Variants in MLXIPL observed in about 807,000 individuals in gnomAD.
The protein encoded by MLXIPL is carbohydrate-responsive element-binding protein.
A neutral mutation model predicts 81.5 loss-of-function variants in MLXIPL; 49 were observed. The ratio of observed to expected loss-of-function variants is 0.60; its 90% confidence interval spans 0.48 to 0.76. The LOEUF (loss-of-function observed/expected upper bound fraction) is 0.76, where lower values mean the gene tolerates loss of function less well. Ranked by LOEUF, MLXIPL falls within the 30% of genes least tolerant of loss-of-function variation. MLXIPL has a pLI of 0.00. For synonymous variants in MLXIPL, 466 were observed against 485.5 expected, an observed-to-expected ratio of 0.96 and a Z score of 0.53; for missense variants, 1,053 against 1,167.0, an observed-to-expected ratio of 0.90 and a Z score of 1.42.
rs1226305961 is a variant in MLXIPL at position 73,597,345 on chromosome 7, C to G, written c.1440G>C (p.Ser480=). The G allele has an allele frequency of 6.6e-7, 1 of 1,504,046 alleles. No homozygotes were observed. Among genetic ancestry groups the G allele is most frequent in the Non-Finnish European group, 8.9e-7 (1 of 1,127,986 alleles). 93.2% of individuals were successfully genotyped at this position (1,504,046 alleles called of 1,614,324 possible). Residue 480 remains serine (S), a synonymous_variant, in exon 9 of 17, where the codon TCG becomes TCC. Coordinates refer to ENST00000313375, the MANE Select transcript of MLXIPL (RefSeq NM_032951.3). ...FPIELLPLGY[S]EPAFGPCFSM... is the part of the protein sequence containing the mutation. ...AGAAGCAAGGCCCAAAGGCAGGCTC[C>G]GAATACCCCAAGGGTAGAAGCTCTA...
chr7:73,604,068 T>G (rs1795093518), intron 7 of MLXIPL, among the ~76,000 whole-genome samples: 1 of 151,360 alleles, frequency 6.6e-6, no homozygotes, highest in Non-Finnish European at 1.5e-5. Context: ...ATACAAAAAG[T>G]AGCTGGGTGT....
At chr7:73,594,048 G>A (rs1794064472) in intron 16 of MLXIPL, 65 bp from the exon 17 acceptor site, 1 of 1,453,266 alleles carries the variant, frequency 6.9e-7, no homozygotes, top group Non-Finnish European at 9.7e-7. Context: ...CCTTGGATGT[G>A]GAACCAAAGG....
At chr7:73,595,998 A>C (rs781853900) in intron 13 of MLXIPL, 29 bp from the exon 14 acceptor site, 30 of 1,610,912 alleles carry the variant, frequency 1.9e-5, no homozygotes, top group Non-Finnish European at 2.5e-5. Context: ...GGGCTCAGGC[A>C]GGTGCTAGAG....
the MLXIPL span, among the ~76,000 whole-genome samples, chr7:73,637,483 A>C: frequency 1.3e-5 from 2 of 152,052 alleles, no homozygotes; most frequent in African/African-American, 4.8e-5. Flanking sequence ...TGGAAAAAAA[A>C]AAAAAGAAAA....
At chr7:73,615,357 C>T (rs1190609076) in intron 2 of MLXIPL, among the ~76,000 whole-genome samples, 1 of 152,156 alleles carries the variant, frequency 6.6e-6, no homozygotes, top group East Asian at 1.9e-4. Context: ...TCAGTTTCTC[C>T]ATTTACAAAG....
chr7:73,610,871 T>G (rs1413535811), intron 2 of MLXIPL: 1 of 152,306 alleles, frequency 6.6e-6, no homozygotes, highest in African/African-American at 2.4e-5. Flanking sequence ...TCACCCAGGC[T>G]GGAGTGCAGT....
At position 73,616,585 on chromosome 7, in the gene MLXIPL, C is replaced by T. The variant is rs143988660; in HGVS notation, c.294-408G>A. Among the ~76,000 whole-genome samples, 382 of 152,230 alleles carry T rather than the reference C, an allele frequency of 2.5e-3. 1 individual carries two copies. Among genetic ancestry groups the T allele is most frequent in the Non-Finnish European group, 4.5e-3 (303 of 68,020 alleles). Reference sequence around the variant, plus strand: ...TTCCTGGGCTGGGTGCAGTAGCTCACGCCTGTCATCCCAGAACTTTGCGGG... The same window carrying T: ...TTCCTGGGCTGGGTGCAGTAGCTCATGCCTGTCATCCCAGAACTTTGCGGG... On this transcript the variant is annotated intron_variant, in intron 1 of 16. Transcript: ENST00000313375.
rs1554592652 is a variant in MLXIPL, at chr7:73,593,747, G to A, written c.*118C>T. ...ACCTGGACCCTGCTCCACCCCCCAG[G>A]GAAGGGCAGAGCCAGGGCCTGGGGC... is the stretch of plus-strand genomic sequence containing the variant. On this transcript the variant is annotated 3_prime_UTR_variant, in exon 17 of 17. Coordinates refer to ENST00000313375, the MANE Select transcript of MLXIPL (RefSeq NM_032951.3). 4.3e-6 allele frequency: 4 copies of A among 937,800 alleles called. No individual in the cohort carries two copies. The highest frequency in any genetic ancestry group is 7.0e-6 in the Non-Finnish European group (4 of 572,570). 58.1% of individuals were successfully genotyped at this position (937,800 alleles called of 1,614,324 possible).
chr7:73,624,833 G>A (rs1433167956), upstream of MLXIPL, among the ~76,000 whole-genome samples: 1 of 152,128 alleles, frequency 6.6e-6, no homozygotes, highest in Non-Finnish European at 1.5e-5. Context: ...CAAGGCGGGA[G>A]GATGGCTTGA....
chr7:73,646,898 C>T, the MLXIPL span, among the ~76,000 whole-genome samples: 3 of 152,162 alleles, frequency 2.0e-5, no homozygotes, highest in Non-Finnish European at 4.4e-5. Flanking sequence ...TCAGCTGACC[C>T]TGTAACACCA....
At position 73,599,526 on chromosome 7, in the gene MLXIPL, C is replaced by G; in HGVS notation, c.1071G>C (p.Gln357His). Residue 357 changes from glutamine (Q) to histidine (H), a missense_variant and splice_region_variant, in exon 8 of 17, where the codon CAG becomes CAC. Transcript: ENST00000313375. The stretch of plus-strand genomic sequence containing the variant: ...GCTGGACGGGGTGGGGTGAGCTCAC[C>G]TGCAGACGGCTGTGTCCAGAGAGGT... The part of the protein sequence containing the change: ...MTHLSGHSRL[Q>H]ARNSCPGPLD... 1.9e-6 allele frequency: 3 copies of G among 1,612,544 alleles called. No individual in the cohort carries two copies. Among genetic ancestry groups the G allele is most frequent in the Non-Finnish European group, 2.5e-6 (3 of 1,179,686 alleles).
chr7:73,619,097 G>A (rs1796165434), intron 1 of MLXIPL, among the ~76,000 whole-genome samples: 1 of 152,178 alleles, frequency 6.6e-6, no homozygotes, highest in Admixed American at 6.5e-5. Flanking sequence ...GCCGAGGCAG[G>A]AGGACTGTAG....
At chr7:73,629,359 A>G (rs1554604175), upstream of MLXIPL, among the ~76,000 whole-genome samples, 1 of 152,096 alleles carries the variant, frequency 6.6e-6, no homozygotes, top group Non-Finnish European at 1.5e-5. Flanking sequence ...TTGTTCTAAT[A>G]TAAGTCTAAT....
chr7:73,640,092 T>C, the MLXIPL span, among the ~76,000 whole-genome samples: 7 of 141,058 alleles, frequency 5.0e-5, no homozygotes, highest in Non-Finnish European at 1.1e-4. Flanking sequence ...TAAAGTAAAG[T>C]AAAATAAAAT....
chr7:73,642,764 G>A, the MLXIPL span, among the ~76,000 whole-genome samples: 1 of 152,198 alleles, frequency 6.6e-6, no homozygotes, highest in African/African-American at 2.4e-5. Flanking sequence ...CCAGAGTCCT[G>A]GGATTATAGG....
In MLXIPL at chr7:73,612,512, C is replaced by T. The variant is rs546249891; in HGVS notation, c.400+3559G>A. On this transcript the variant is annotated intron_variant, in intron 2 of 16. Transcript: ENST00000313375. ...AAAAAATTAGCCGGGCGTGGTGGTG[C>T]GCACCTGTAGTCCCAGCTACTCAGG... Among the ~76,000 whole-genome samples, 9 of 151,818 alleles carry T rather than the reference C, an allele frequency of 5.9e-5. No homozygotes were observed. The South Asian group carries it at 1.9e-3, about 32-fold the overall frequency.
At position 73,623,900 on chromosome 7, in the gene MLXIPL, A is replaced by G. The variant is rs962686873; in HGVS notation, c.293+300T>C. Among the ~76,000 whole-genome samples the G allele has an allele frequency of 3.3e-5, 5 of 151,418 alleles. No individual in the cohort carries two copies. The highest frequency in any genetic ancestry group is 1.3e-4 in the Admixed American group (2 of 15,198). ...GGACGGAGGGGCTGGGACCAGAGAG[A>G]GGGGACCAGAGGTCCAGGTAGAGGT... On this transcript the variant is annotated intron_variant, in intron 1 of 16. Transcript: ENST00000313375. This position sits in a 1 kb window ranked among gnomAD's most constrained non-coding sequence, Gnocchi z 5.7.
chr7:73,603,375 G>T (rs1230115056), intron 7 of MLXIPL, among the ~76,000 whole-genome samples: 7 of 152,200 alleles, frequency 4.6e-5, no homozygotes, highest in East Asian at 1.9e-4. Context: ...GACCCCAGGT[G>T]GGGGTGGCTG....
chr7:73,634,149 C>T, the MLXIPL span, among the ~76,000 whole-genome samples: 6,097 of 152,106 alleles, frequency 0.04, 640 homozygotes, highest in East Asian at 0.39. Context: ...AAACCATGAA[C>T]GAAAATTGGA....
Sources: gnomAD v4.1 joint callset for allele counts (sites outside exome capture counted in the v4.1 genomes callset) on GRCh38, gnomAD v4.1.1 for gene constraint, Gnocchi (gnomAD v3.1) non-coding constraint, MANE v1.5 for transcripts, NCBI Gene and HGNC (gene_info 2026-07-23, HGNC 2026-07-21) for gene names.